The following CSMD1 variants were observed in gnomAD, a reference collection of about 807,000 sequenced individuals.
CSMD1 encodes CUB and sushi domain-containing protein 1.
Under a neutral mutation model 417.5 loss-of-function variants are expected in CSMD1, and 213 were observed. The ratio of observed to expected loss-of-function variants is 0.51; its 90% CI spans 0.46 to 0.57. The LOEUF (loss-of-function observed/expected upper bound fraction) is 0.57. Ranked by LOEUF, CSMD1 falls within the 20% of genes least tolerant of loss-of-function variation. The pLI, the probability that CSMD1 is intolerant of heterozygous loss-of-function variation, is 0.00. For missense variants in CSMD1, 6,923 were observed against 4,529.7 expected (o/e 1.53, Z -15.17); for synonymous variants, 2,862 against 1,736.8 (o/e 1.65, Z -16.11).
At chr8:4,189,654 C>G (rs571638425) in intron 3 of CSMD1, among the ~76,000 whole-genome samples, 4 of 152,098 alleles carry the variant, frequency 2.6e-5, no homozygotes, top group Non-Finnish European at 5.9e-5. Flanking sequence ...ATGTTCTAAA[C>G]CCTTATTTAT....
intron 3 of CSMD1, among the ~76,000 whole-genome samples, chr8:4,307,127 C>T (rs1026865516): frequency 1.3e-5 from 2 of 152,164 alleles, no homozygotes; most frequent in East Asian, 1.9e-4. Context: ...GCCTCCTTGT[C>T]TCTGTACTGA....
intron 5 of CSMD1, among the ~76,000 whole-genome samples, chr8:3,764,380 G>T (rs944798717): frequency 1.3e-5 from 2 of 152,142 alleles, no homozygotes; most frequent in Non-Finnish European, 2.9e-5. Flanking sequence ...ACTCTGATAT[G>T]AAATACCACA....
Position 4,297,639 on chromosome 8 carries a change from G to A in CSMD1, c.415+122314C>T, listed in dbSNP as rs184644234. On this transcript the variant is annotated intron_variant, in intron 3 of 69. Coordinates refer to ENST00000635120, the MANE Select transcript of CSMD1 (RefSeq NM_033225.6). ...TGAAATTGAACTTGACCTTTCAAAA[G>A]TTCACACTAGGGTTTGGATTTTGAC... 1.8e-4 allele frequency among the ~76,000 whole-genome samples: 27 copies of A among 152,182 alleles called. No individual in the cohort carries two copies. In the South Asian group the frequency reaches 5.6e-3, roughly 32 times the overall value.
At chr8:3,010,005 C>G (rs553607224) in intron 52 of CSMD1, among the ~76,000 whole-genome samples, 1 of 152,276 alleles carries the variant, frequency 6.6e-6, no homozygotes, top group African/African-American at 2.4e-5. Flanking sequence ...GAATATACCC[C>G]ATTTCCACCT....
chr8:4,306,708 T>C (rs746445510), intron 3 of CSMD1, among the ~76,000 whole-genome samples: 3 of 152,104 alleles, frequency 2.0e-5, no homozygotes, highest in Non-Finnish European at 4.4e-5. Flanking sequence ...AACGTCCTCA[T>C]ATAGTGAGCA....
chr8:3,499,986 G>T (rs1268355931), intron 10 of CSMD1, among the ~76,000 whole-genome samples: 1 of 152,066 alleles, frequency 6.6e-6, no homozygotes, highest in South Asian at 2.1e-4. Flanking sequence ...TTGGCTCAGG[G>T]CCTATGAGGC....
intron 50 of CSMD1, among the ~76,000 whole-genome samples, chr8:3,032,867 T>A (rs986836165): frequency 1.3e-5 from 2 of 152,110 alleles, no homozygotes; most frequent in Admixed American, 6.6e-5. Flanking sequence ...GATCTCTTTA[T>A]ATACCCTTCA....
At chr8:3,094,255 G>T (rs1815149011) in intron 47 of CSMD1, among the ~76,000 whole-genome samples, 1 of 152,056 alleles carries the variant, frequency 6.6e-6, no homozygotes, top group South Asian at 2.1e-4. Context: ...ACAGGCGCCT[G>T]CCACCGCGCC....
At chr8:4,637,282 G>C (rs1585371142) in intron 2 of CSMD1, 60 bp downstream of exon 2, 3 of 1,372,056 alleles carry the variant, frequency 2.2e-6, no homozygotes, top group African/African-American at 2.9e-5. Context: ...ATTCCAACTA[G>C]ATTTCATAAT....
chr8:4,919,734 G>T (rs1025080497), intron 1 of CSMD1, among the ~76,000 whole-genome samples: 1 of 152,180 alleles, frequency 6.6e-6, no homozygotes, highest in Non-Finnish European at 1.5e-5. Context: ...AGTATTGGAA[G>T]CTGGGCCTAG....
intron 1 of CSMD1, among the ~76,000 whole-genome samples, chr8:4,735,100 G>T (rs1315800332): frequency 6.6e-6 from 1 of 152,200 alleles, no homozygotes; most frequent in Non-Finnish European, 1.5e-5. Flanking sequence ...AGTTTCCGCA[G>T]GGAAGAGCAA....
chr8:3,987,374 T>C (rs1415303170), intron 5 of CSMD1, among the ~76,000 whole-genome samples: 2 of 152,216 alleles, frequency 1.3e-5, no homozygotes, highest in Non-Finnish European at 2.9e-5. Flanking sequence ...TTGTTGTTTA[T>C]CACATATGCC....
chr8:3,194,017 G>C (rs922057309), intron 33 of CSMD1, among the ~76,000 whole-genome samples: 5 of 152,214 alleles, frequency 3.3e-5, no homozygotes, highest in Non-Finnish European at 5.9e-5. Flanking sequence ...TTTTGATGTA[G>C]TGACTGAGGG....
chr8:3,121,933 C>T (rs913035504), intron 41 of CSMD1, among the ~76,000 whole-genome samples: 1 of 152,080 alleles, frequency 6.6e-6, no homozygotes, highest in Non-Finnish European at 1.5e-5. Context: ...AAAGTTATTA[C>T]ATTTTATTTA....
At chr8:3,287,863 G>A (rs191292877) in intron 25 of CSMD1, among the ~76,000 whole-genome samples, 1 of 148,122 alleles carries the variant, frequency 6.8e-6, no homozygotes, top group East Asian at 2.0e-4. Context: ...GTGAGAGAGG[G>A]CATCCCTCTC....
rs150966588 is a variant in CSMD1 at position 4,087,261 on chromosome 8, T to A, written c.416-55162A>T. ...GTCCACCATGGCCATGGTTTCACAGTTCAACTTCTCTTGCTCACTCTCCTT... is the reference window on the plus strand; with the variant it reads ...GTCCACCATGGCCATGGTTTCACAGATCAACTTCTCTTGCTCACTCTCCTT... On this transcript the variant is annotated intron_variant, in intron 3 of 69. Coordinates refer to ENST00000635120, the MANE Select transcript of CSMD1 (RefSeq NM_033225.6). Among the ~76,000 whole-genome samples, 481 of 152,246 alleles carry A rather than the reference T, an allele frequency of 3.2e-3. 5 individuals carry two copies. The highest frequency in any genetic ancestry group is 0.011 in the African/African-American group (452 of 41,554).
intron 5 of CSMD1, among the ~76,000 whole-genome samples, chr8:3,868,795 G>A (rs1278124895): frequency 6.6e-6 from 1 of 152,102 alleles, no homozygotes; most frequent in African/African-American, 2.4e-5. Flanking sequence ...CAAAATATAA[G>A]TAGAATCTGA....
At chr8:4,938,358 C>T (rs79496332) in intron 1 of CSMD1, among the ~76,000 whole-genome samples, 3,891 of 152,276 alleles carry the variant, frequency 0.026, 163 homozygotes, top group African/African-American at 0.089. Flanking sequence ...TTCCAAAATG[C>T]TTCCCAATAC....
chr8:3,354,773 T>C (rs2119849), intron 21 of CSMD1, among the ~76,000 whole-genome samples: 68,332 of 146,388 alleles, frequency 0.47, 15,792 homozygotes, highest in Admixed American at 0.53. Context: ...TTATATACAG[T>C]TTAGTGATAT....
Sources: gnomAD v4.1 joint callset for allele counts (sites outside exome capture counted in the v4.1 genomes callset) on GRCh38, gnomAD v4.1.1 for gene constraint, MANE v1.5 for transcripts, NCBI Gene and HGNC (gene_info 2026-07-23, HGNC 2026-07-21) for gene names.